Variants in DCLRE1C observed in about 807,000 individuals in gnomAD.
The protein encoded by DCLRE1C is DNA cross-link repair 1C.
DCLRE1C carries 47 observed loss-of-function variants against 61.4 expected under a neutral mutation model. That is an observed-to-expected ratio of 0.77 (90% CI 0.61 to 0.98). The LOEUF (loss-of-function observed/expected upper bound fraction) is 0.98, where lower values mean the gene tolerates loss of function less well. Ranked by LOEUF, DCLRE1C falls within the 50% of genes least tolerant of loss-of-function variation. The pLI is 0.00. For synonymous variants in DCLRE1C, 337 were observed against 287.6 expected, an observed-to-expected ratio of 1.17 and a Z score of -1.74; for missense variants, 858 against 816.0, an observed-to-expected ratio of 1.05 and a Z score of -0.63.
intron 13 of DCLRE1C, among the ~76,000 whole-genome samples, chr10:14,915,358 T>G (rs1330957508): frequency 6.6e-6 from 1 of 151,436 alleles, no homozygotes; most frequent in Non-Finnish European, 1.5e-5. Context: ...ACCAAAAACT[T>G]CTTATTTGAG....
At chr10:14,928,548 C>G (rs976386488) in intron 9 of DCLRE1C, among the ~76,000 whole-genome samples, 27 of 152,260 alleles carry the variant, frequency 1.8e-4, no homozygotes, top group Non-Finnish European at 1.0e-4. Flanking sequence ...GACTGTGTAA[C>G]AGCTAATAGT....
intron 6 of DCLRE1C, 80 bp from the exon 7 acceptor site, chr10:14,934,855 T>A (rs1294893894): frequency 1.0e-6 from 1 of 987,964 alleles, no homozygotes; most frequent in African/African-American, 1.6e-5. Context: ...TGAGATGGAG[T>A]TTCGCTCTGT....
chr10:14,934,192 G>A (rs552893024), intron 8 of DCLRE1C, among the ~76,000 whole-genome samples, 188 bp downstream of exon 8: 21 of 152,102 alleles, frequency 1.4e-4, no homozygotes, highest in Non-Finnish European at 1.8e-4. Flanking sequence ...GCTAGGCATG[G>A]TGGCTCACGC....
At chr10:14,899,318 T>TA (rs373363202) in intron 13 of DCLRE1C, 1,128 of 600,074 alleles carry the variant, frequency 1.9e-3, no homozygotes, top group South Asian at 3.7e-3. Context: ...AGACCCTGTT[T>TA]AAAAAAAAAA....
intron 9 of DCLRE1C, 127 bp from the exon 10 acceptor site, chr10:14,928,279 C>T (rs1838365028): frequency 4.9e-6 from 4 of 824,734 alleles, no homozygotes; most frequent in South Asian, 3.3e-5. Flanking sequence ...AAAAAAGCAG[C>T]AAAACAATGT....
At chr10:14,899,362 C>T in intron 13 of DCLRE1C, 1 of 707,380 alleles carries the variant, frequency 1.4e-6, no homozygotes, top group South Asian at 1.6e-5. Context: ...ATTTTTCTTC[C>T]CCTCATTTTC....
intron 1 of DCLRE1C, among the ~76,000 whole-genome samples, chr10:14,952,562 T>C (rs566394137): frequency 5.9e-5 from 9 of 152,242 alleles, no homozygotes; most frequent in African/African-American, 1.9e-4. Context: ...CACTCCAGCC[T>C]GGTGATGGAG....
At chr10:14,926,327 A>AGGTCAGTTTCAGT (rs989858495) in intron 11 of DCLRE1C, among the ~76,000 whole-genome samples, 2 of 152,198 alleles carry the variant, frequency 1.3e-5, no homozygotes, top group Non-Finnish European at 2.9e-5. Flanking sequence ...CTGAGGTCAC[A>AGGTCAGTTTCAGT]GGTCAGTTTC....
chr10:14,932,713 C>A, intron 9 of DCLRE1C, 141 bp downstream of exon 9: 1 of 927,546 alleles, frequency 1.1e-6, no homozygotes, highest in South Asian at 1.4e-5. Context: ...TGTACAGTTC[C>A]ATGACCTTGA....
rs1588891407 is a variant in DCLRE1C, at chr10:14,908,735, C to T, written c.1752G>A (p.Glu584=). The T allele has an allele frequency of 1.2e-6, 2 of 1,614,038 alleles. No individual in the cohort carries two copies. Among genetic ancestry groups the T allele is most frequent in the Non-Finnish European group, 1.7e-6 (2 of 1,180,044 alleles). The part of the protein sequence containing the change: ...DKADYRPTIK[E]NIPASLMEQN... ...GTTCCATGAGAGAGGCAGGAATATT[C>T]TCTTTGATTGTTGGTCTGTAGTCAG... Residue 584 remains glutamate, a synonymous_variant, in exon 14 of 14, where the codon GAG becomes GAA. Transcript: ENST00000378278.
chr10:14,918,484 G>A (rs1836567208), intron 13 of DCLRE1C, among the ~76,000 whole-genome samples: 1 of 152,062 alleles, frequency 6.6e-6, no homozygotes, highest in Admixed American at 6.5e-5. Context: ...AATTACAAAG[G>A]GGCATAAGAA....
chr10:14,903,050 A>C (rs1834129253), downstream of DCLRE1C: 1 of 152,312 alleles, frequency 6.6e-6, no homozygotes, highest in Admixed American at 6.5e-5. Context: ...CACCTCAATG[A>C]TAAAGAAATT....
rs886043100 is a variant in DCLRE1C, at chr10:14,908,825, T to C, written c.1662A>G (p.Gln554=). The C allele has an allele frequency of 6.2e-7, 1 of 1,614,240 alleles. No homozygotes were observed. The highest frequency in any genetic ancestry group is 1.1e-5 in the South Asian group (1 of 91,078). ...TEQGSQGWDS[Q]SDTVLLSSQE... ...GGGAAGATAACAAAACAGTATCAGA[T>C]TGGCTGTCCCAGCCTTGACTTCCTT... Residue 554 remains glutamine, a synonymous_variant, in exon 14 of 14, where the codon CAA becomes CAG. Coordinates refer to ENST00000378278, the MANE Select transcript of DCLRE1C (RefSeq NM_001033855.3).
At chr10:14,948,467 C>A (rs1842001219) in intron 2 of DCLRE1C, among the ~76,000 whole-genome samples, 1 of 152,112 alleles carries the variant, frequency 6.6e-6, no homozygotes, top group Admixed American at 6.6e-5. Context: ...AATGGAACAG[C>A]CATTCTCTCT....
chr10:14,903,167 A>G (rs1222491946), downstream of DCLRE1C: 1 of 152,166 alleles, frequency 6.6e-6, no homozygotes, highest in Non-Finnish European at 1.5e-5. Flanking sequence ...TTCTTAAAAG[A>G]CTTCTTAATC....
intron 7 of DCLRE1C, 37 bp downstream of exon 7, chr10:14,934,666 A>T: frequency 6.2e-7 from 1 of 1,611,864 alleles, no homozygotes; most frequent in Non-Finnish European, 8.5e-7. Flanking sequence ...ACACGGGCAC[A>T]CCCAGATGAT....
chr10:14,902,809 C>T (rs1055902731), downstream of DCLRE1C: 12 of 179,282 alleles, frequency 6.7e-5, no homozygotes, highest in Non-Finnish European at 9.4e-5. Context: ...AAATGCCTCC[C>T]GTAGTGTTTG....
chr10:14,952,674 A>C (rs889748064), intron 1 of DCLRE1C, among the ~76,000 whole-genome samples: 2 of 152,030 alleles, frequency 1.3e-5, no homozygotes, highest in African/African-American at 2.4e-5. Context: ...GCCACACTGT[A>C]CTCCAGCCTG....
chr10:14,899,125 G>A, exon 14 of DCLRE1C: 1 of 666,698 alleles, frequency 1.5e-6, no homozygotes, highest in South Asian at 1.6e-5. Context: ...TTCCAGACCA[G>A]TGTGGGCAAC....
Sources: allele counts gnomAD v4.1 joint callset (sites outside exome capture counted in the v4.1 genomes callset), GRCh38; gene constraint gnomAD v4.1.1; transcripts MANE v1.5; gene names NCBI Gene and HGNC (gene_info 2026-07-23, HGNC 2026-07-21).